FAM135A: variants seen among roughly 807,000 people sequenced by gnomAD.
FAM135A encodes the protein family with sequence similarity 135 member A.
Under a neutral mutation model 146.8 loss-of-function variants are expected in FAM135A, and 79 were observed. The observed-to-expected ratio is 0.54, with a 90% confidence interval of 0.45 to 0.65. The LOEUF is 0.65. Ranked by LOEUF, FAM135A falls within the 30% of genes least tolerant of loss-of-function variation. The pLI is 0.00. For missense variants in FAM135A, 1,623 were observed against 1,758.2 expected, an observed-to-expected ratio of 0.92 and a Z score of 1.38; for synonymous variants, 562 against 603.6, an observed-to-expected ratio of 0.93 and a Z score of 1.01.
At chr6:70,480,866 G>A (rs191698643) in intron 8 of FAM135A, 35 bp from the exon 9 acceptor site, 84 of 1,580,424 alleles carry the variant, frequency 5.3e-5, no homozygotes, top group Middle Eastern at 1.7e-4. Flanking sequence ...AAATAGACTC[G>A]TATGACAATA....
intron 5 of FAM135A, among the ~76,000 whole-genome samples, chr6:70,454,126 T>C (rs1166388045): frequency 6.6e-6 from 1 of 152,232 alleles, no homozygotes; most frequent in Non-Finnish European, 1.5e-5. Flanking sequence ...TGACTCATTG[T>C]GGTTTTGATT....
chr6:70,502,578 TTAAG>T (rs1788800907), intron 11 of FAM135A, 54 bp from the exon 12 acceptor site: 1 of 1,527,640 alleles, frequency 6.5e-7, no homozygotes, highest in East Asian at 2.3e-5. Flanking sequence ...AACATTATAT[TTAAG>T]TATGTTACAT....
chr6:70,514,551 C>G (rs1048987698), intron 12 of FAM135A, among the ~76,000 whole-genome samples: 1 of 152,166 alleles, frequency 6.6e-6, no homozygotes, highest in African/African-American at 2.4e-5. Context: ...AACAACTCTT[C>G]TTAGATTTAT....
rs550617581 is a variant in FAM135A, at chr6:70,413,849, G to A, written c.-220+147G>A. The stretch of plus-strand genomic sequence containing the variant: ...CGCGGCCCCTCACCCGACTGCTGGC[G>A]GTCGGAGCCTGGCCCCGGCCCCGTT... On this transcript the variant is annotated intron_variant, in intron 1 of 21. Transcript: ENST00000418814. The A allele has an allele frequency of 1.0e-3, 1,008 of 985,440 alleles. 9 individuals carry two copies. The African/African-American group carries it at 0.016, about 15-fold the overall frequency. The allele number at this position is 985,440 out of a possible 1,614,324, so 61.0% of individuals were successfully genotyped here.
At chr6:70,534,031 A>T (rs991442303) in intron 18 of FAM135A, among the ~76,000 whole-genome samples, 177 bp downstream of exon 18, 3 of 152,122 alleles carry the variant, frequency 2.0e-5, no homozygotes, top group African/African-American at 7.2e-5. Flanking sequence ...TGTCCAAAAA[A>T]GTGTATCTGT....
intron 5 of FAM135A, among the ~76,000 whole-genome samples, chr6:70,462,157 G>A (rs942444210): frequency 6.6e-6 from 1 of 152,036 alleles, no homozygotes; most frequent in Non-Finnish European, 1.5e-5. Context: ...TGAATGATAT[G>A]GTTTAACTTT....
At chr6:70,423,636 T>C (rs1769359800) in intron 2 of FAM135A, among the ~76,000 whole-genome samples, 1 of 152,214 alleles carries the variant, frequency 6.6e-6, no homozygotes, top group Non-Finnish European at 1.5e-5. Flanking sequence ...CACTTCAGTT[T>C]ACATTCCATG....
intron 17 of FAM135A, 53 bp downstream of exon 17, chr6:70,533,304 A>G (rs1015957232): frequency 9.6e-6 from 14 of 1,460,958 alleles, no homozygotes; most frequent in East Asian, 2.3e-5. Flanking sequence ...ACCAGTTTCT[A>G]CCTAAATTTT....
intron 20 of FAM135A, among the ~76,000 whole-genome samples, chr6:70,548,677 G>A (rs1307948689): frequency 5.9e-5 from 9 of 152,052 alleles, no homozygotes; most frequent in Non-Finnish European, 4.4e-5. Flanking sequence ...AATATATAAT[G>A]CCTTTTATTC....
intron 12 of FAM135A, 89 bp from the exon 13 acceptor site, chr6:70,522,424 A>T (rs994363823): frequency 5.6e-6 from 6 of 1,064,650 alleles, no homozygotes; most frequent in Non-Finnish European, 8.6e-6. Flanking sequence ...GGAAGGCGTA[A>T]TGGAGGCAGT....
At chr6:70,482,182 T>C in intron 10 of FAM135A, 28 bp downstream of exon 10, 1 of 1,609,360 alleles carries the variant, frequency 6.2e-7, no homozygotes, top group Non-Finnish European at 8.5e-7. Flanking sequence ...AGACTTATTC[T>C]ACAGTTCAAA....
intron 2 of FAM135A, among the ~76,000 whole-genome samples, chr6:70,424,781 T>C (rs1252319108): frequency 6.6e-6 from 1 of 152,204 alleles, no homozygotes; most frequent in Non-Finnish European, 1.5e-5. Context: ...CATGTACTTT[T>C]TCTGGGACTA....
intron 4 of FAM135A, among the ~76,000 whole-genome samples, chr6:70,439,421 A>T (rs774684943): frequency 3.3e-5 from 5 of 152,216 alleles, no homozygotes; most frequent in African/African-American, 4.8e-5. Flanking sequence ...ATATTATAAC[A>T]TCAGCTTTCT....
chr6:70,451,888 A>T (rs1166792130), intron 4 of FAM135A, among the ~76,000 whole-genome samples: 1 of 152,062 alleles, frequency 6.6e-6, no homozygotes, highest in Non-Finnish European at 1.5e-5. Context: ...TAAGACAGTC[A>T]TATTATAGTT....
chr6:70,521,750 A>G (rs1039386313), intron 12 of FAM135A, among the ~76,000 whole-genome samples: 2 of 152,220 alleles, frequency 1.3e-5, no homozygotes, highest in African/African-American at 2.4e-5. Flanking sequence ...GTAGCTGACA[A>G]AGCCTTTCCT....
chr6:70,541,887 C>G (rs777218552), intron 20 of FAM135A, among the ~76,000 whole-genome samples: 1 of 152,114 alleles, frequency 6.6e-6, no homozygotes, highest in Non-Finnish European at 1.5e-5. Flanking sequence ...TATTTATACC[C>G]CATATCTACA....
intron 4 of FAM135A, among the ~76,000 whole-genome samples, chr6:70,437,496 A>C (rs1031367312): frequency 4.0e-5 from 6 of 151,280 alleles, no homozygotes; most frequent in Admixed American, 2.6e-4. Flanking sequence ...TTGGTCTCAA[A>C]CTTTTTCTTA....
In FAM135A at chr6:70,477,055, T is replaced by A; in HGVS notation, c.369-104T>A. 3.2e-6 allele frequency: 4 copies of A among 1,241,618 alleles called. No homozygotes were observed. In the South Asian group the frequency reaches 7.6e-5, roughly 23 times the overall value. The allele number at this position is 1,241,618 out of a possible 1,614,324, so 76.9% of individuals were successfully genotyped here. A position where few individuals can be genotyped will look rare whatever the true frequency, so the allele number is the denominator to read the frequency against. ...AAAAATTACTCTTATTCGAAATTTT[T>A]AAAAAGTAATTAAGTAAATAGTTTT... On this transcript the variant is annotated intron_variant, in intron 7 of 21. Transcript: ENST00000418814.
intron 5 of FAM135A, among the ~76,000 whole-genome samples, chr6:70,458,916 G>C (rs1488246269): frequency 6.6e-6 from 1 of 152,116 alleles, no homozygotes; most frequent in Non-Finnish European, 1.5e-5. Flanking sequence ...AGTTCTTACA[G>C]TGTGTATCTT....
Sources: gnomAD v4.1 joint callset for allele counts (sites outside exome capture counted in the v4.1 genomes callset) on GRCh38, gnomAD v4.1.1 for gene constraint, MANE v1.5 for transcripts, NCBI Gene and HGNC (gene_info 2026-07-23, HGNC 2026-07-21) for gene names.